TRPM7: variants seen among roughly 807,000 people sequenced by gnomAD.
The protein encoded by TRPM7 is transient receptor potential cation channel subfamily M member 7.
TRPM7 carries 134 observed loss-of-function variants against 229.7 expected under a neutral mutation model. The observed-to-expected ratio is 0.58, with a 90% CI of 0.51 to 0.67. The LOEUF is 0.67. Ranked by LOEUF, TRPM7 falls within the 30% of genes least tolerant of loss-of-function variation. TRPM7 has a pLI of 0.00. For synonymous variants in TRPM7, 699 were observed against 715.2 expected (o/e 0.98, Z 0.36); for missense variants, 1,901 against 2,210.0 (o/e 0.86, Z 2.80).
intron 21 of TRPM7, among the ~76,000 whole-genome samples, chr15:50,602,293 A>C (rs577216947): frequency 3.9e-5 from 6 of 152,236 alleles, no homozygotes; most frequent in Admixed American, 2.0e-4. Context: ...ACAGAAAACC[A>C]AACACCGCAT....
At chr15:50,589,247 G>A (rs1332042727) in intron 27 of TRPM7, among the ~76,000 whole-genome samples, 2 of 151,092 alleles carry the variant, frequency 1.3e-5, no homozygotes, top group African/African-American at 2.4e-5. Flanking sequence ...ACTTGAACCC[G>A]GGAGGTGGAG....
At chr15:50,647,351 A>G (rs12906409) in intron 4 of TRPM7, among the ~76,000 whole-genome samples, 72,003 of 151,816 alleles carry the variant, frequency 0.47, 17,644 homozygotes, top group East Asian at 0.56. Context: ...GGCTGATCTC[A>G]AACTCCTGAT....
intron 22 of TRPM7, among the ~76,000 whole-genome samples, chr15:50,597,615 GA>G: frequency 6.6e-6 from 1 of 152,140 alleles, no homozygotes; most frequent in African/African-American, 2.4e-5. Flanking sequence ...CATATCATTA[GA>G]AAAATAGCAG....
chr15:50,567,888 A>T (rs1303212983), intron 38 of TRPM7, among the ~76,000 whole-genome samples: 4 of 152,030 alleles, frequency 2.6e-5, no homozygotes, highest in Admixed American at 2.6e-4. Flanking sequence ...GGAGATCGAG[A>T]CCATGGTGAA....
intron 38 of TRPM7, among the ~76,000 whole-genome samples, chr15:50,563,822 G>A (rs1178235773): frequency 6.6e-6 from 1 of 152,084 alleles, no homozygotes; most frequent in African/African-American, 2.4e-5. Context: ...AAGCTCATCA[G>A]CTATGGTAGT....
rs2059884022 is a variant in TRPM7 at position 50,605,000 on chromosome 15, C to T, written c.2854G>A (p.Ala952Thr). 6.2e-7 allele frequency: 1 copy of T among 1,613,900 alleles called. No homozygotes were observed. ...GCCACAAAAACATGATTATCATATG[C>T]ATTTGCAAAGTTCCATTTTGCTCCA... ...RFGAKWNFAN[A>T]YDNHVFVAGR... The change falls in exon 21 of 39, where the codon GCA becomes ACA. Residue 952 changes from alanine (A) to threonine (T), a missense_variant. Physicochemically the swap from Ala to Thr is moderately conservative, Grantham distance 58. Coordinates refer to ENST00000646667, the MANE Select transcript of TRPM7 (RefSeq NM_017672.6).
intron 1 of TRPM7, among the ~76,000 whole-genome samples, chr15:50,667,702 AT>A (rs984723232): frequency 3.3e-5 from 5 of 152,140 alleles, no homozygotes; most frequent in Non-Finnish European, 7.4e-5. Context: ...AGGAGACTCC[AT>A]CCCCCTCCAA....
At chr15:50,634,352 A>G (rs1362541436) in intron 8 of TRPM7, 30 bp downstream of exon 8, 2 of 1,260,608 alleles carry the variant, frequency 1.6e-6, no homozygotes, top group Non-Finnish European at 2.1e-6. Flanking sequence ...TAAATAAATA[A>G]AATTAATTAA....
rs12906820 is a variant in TRPM7, at chr15:50,639,233, A to T, written c.660+191T>A. ...AACAGCATTTATATTTATGAACTTA[A>T]TTATTTATAGTTATGAATTATTTAT... On this transcript the variant is annotated intron_variant, in intron 6 of 38. Coordinates refer to ENST00000646667, the MANE Select transcript of TRPM7 (RefSeq NM_017672.6). Among the ~76,000 whole-genome samples, 12,106 of 152,290 alleles carry T rather than the reference A, an allele frequency of 0.079. 570 individuals are homozygous for T. The highest frequency in any genetic ancestry group is 0.12 in the South Asian group (584 of 4,822).
At chr15:50,585,155 G>A (rs920536884) in intron 28 of TRPM7, among the ~76,000 whole-genome samples, 6 of 143,110 alleles carry the variant, frequency 4.2e-5, no homozygotes, top group African/African-American at 7.8e-5. Context: ...TCCGCTTCCC[G>A]GGTTCACGCC....
chr15:50,685,534 G>A, intron 1 of TRPM7, among the ~76,000 whole-genome samples: 1 of 152,210 alleles, frequency 6.6e-6, no homozygotes, highest in East Asian at 1.9e-4. Context: ...CTACATTTGT[G>A]TTATAAGTAA....
chr15:50,614,371 A>G lies in TRPM7; in HGVS notation c.1495-108T>C, dbSNP rs1023143186. 4.6e-6 allele frequency: 5 copies of G among 1,093,386 alleles called. No individual in the cohort carries two copies. The African/African-American group carries it at 4.7e-5, about 10-fold the overall frequency. 67.7% of individuals were successfully genotyped at this position (1,093,386 alleles called of 1,614,324 possible). A position where few individuals can be genotyped will look rare whatever the true frequency, so the allele number is the denominator to read the frequency against. ...CCAAAATGACAAATGTTTACTTCTT[A>G]TAAGAAGCAAGGGCCAGGTGCAGTG... is the stretch of plus-strand genomic sequence containing the variant. On this transcript the variant is annotated intron_variant, in intron 13 of 38. Transcript: ENST00000646667.
chr15:50,607,065 A>C lies in TRPM7; in HGVS notation c.2709+135T>G, dbSNP rs1228319836. On this transcript the variant is annotated intron_variant, in intron 20 of 38. Transcript: ENST00000646667. ...TTGCCATTATTTTGGGAACAGCAAA[A>C]TTACACAGGTTCTACACTTCTACAA... 7 of 692,128 alleles carry C rather than the reference A, an allele frequency of 1.0e-5. No individual in the cohort carries two copies. The East Asian group carries it at 2.0e-4, about 20-fold the overall frequency. 42.9% of individuals were successfully genotyped at this position (692,128 alleles called of 1,614,324 possible).
chr15:50,614,022 GAC>G, intron 14 of TRPM7, 99 bp downstream of exon 14: 3 of 1,362,602 alleles, frequency 2.2e-6, no homozygotes, highest in Non-Finnish European at 3.0e-6. Flanking sequence ...TCAACTTTAT[GAC>G]AGTGTAACCT....
chr15:50,628,078 C>A, intron 11 of TRPM7, 71 bp downstream of exon 11: 1 of 1,091,744 alleles, frequency 9.2e-7, no homozygotes. Context: ...AGTCAGGTCA[C>A]AGTTCCCGCA....
Position 50,639,552 on chromosome 15 carries a change from T to G in TRPM7, c.536-4A>C. Reference sequence around the variant, plus strand: ...TCTCCAACATGTTTTGCCACACCTGTTCATAAAAAAAGTTTATTCATTTTG... The same window carrying G: ...TCTCCAACATGTTTTGCCACACCTGGTCATAAAAAAAGTTTATTCATTTTG... On this transcript the variant is annotated splice_polypyrimidine_tract_variant and splice_region_variant and intron_variant, in intron 5 of 38. Transcript: ENST00000646667. 1 of 1,599,562 alleles carries G rather than the reference T, an allele frequency of 6.3e-7. No individual in the cohort carries two copies. The highest frequency in any genetic ancestry group is 2.2e-5 in the East Asian group (1 of 44,704).
chr15:50,609,311 G>GATT (rs2140462215), intron 19 of TRPM7, among the ~76,000 whole-genome samples: 1 of 152,194 alleles, frequency 6.6e-6, no homozygotes, highest in South Asian at 2.1e-4. Context: ...TTTACTAGTT[G>GATT]ATTAGTATTT....
At chr15:50,663,148 G>A in intron 1 of TRPM7, 102 bp from the exon 2 acceptor site, 1 of 893,800 alleles carries the variant, frequency 1.1e-6, no homozygotes, top group South Asian at 1.5e-5. Flanking sequence ...TTTTTTTTGA[G>A]ACAGAGTTTT....
chr15:50,590,860 T>A (rs2059472236), intron 26 of TRPM7, among the ~76,000 whole-genome samples: 1 of 151,036 alleles, frequency 6.6e-6, no homozygotes, highest in South Asian at 2.1e-4. Flanking sequence ...ATATTTAACG[T>A]AGGAAAAGTT....
Sources: allele counts gnomAD v4.1 joint callset (sites outside exome capture counted in the v4.1 genomes callset), GRCh38; gene constraint gnomAD v4.1.1; transcripts MANE v1.5; gene names NCBI Gene and HGNC (gene_info 2026-07-23, HGNC 2026-07-21).